The following WDR27 variants were observed in gnomAD, a reference collection of about 807,000 sequenced individuals.
WDR27 encodes the protein WD repeat domain 27, also known as WD repeat-containing protein 27.
In WDR27, 100 loss-of-function variants were observed where a neutral mutation model predicts 114.4. The observed-to-expected ratio is 0.87, with a 90% CI of 0.74 to 1.03. WDR27 has a LOEUF of 1.03. Ranked by LOEUF, WDR27 falls within the 50% of genes least tolerant of loss-of-function variation. The pLI is 0.00. For synonymous variants in WDR27, 449 were observed against 423.1 expected, an observed-to-expected ratio of 1.06 and a Z score of -0.75; for missense variants, 1,129 against 1,092.9, an observed-to-expected ratio of 1.03 and a Z score of -0.47.
intron 13 of WDR27, among the ~76,000 whole-genome samples, chr6:169,653,949 T>C (rs1449709894): frequency 6.6e-6 from 1 of 152,230 alleles, no homozygotes; most frequent in African/African-American, 2.4e-5. Flanking sequence ...AGAGTGACCT[T>C]GACAAGTGGC....
intron 4 of WDR27, chr6:169,668,809 C>G (rs1387897924): frequency 1.3e-5 from 2 of 152,244 alleles, no homozygotes; most frequent in Non-Finnish European, 2.9e-5. Flanking sequence ...AATATACATG[C>G]AGAAAAAATA....
intron 25 of WDR27, among the ~76,000 whole-genome samples, chr6:169,555,078 A>G (rs1798685714): frequency 6.6e-6 from 1 of 152,226 alleles, no homozygotes; most frequent in South Asian, 2.1e-4. Flanking sequence ...CTGACTAACA[A>G]GAATAAAAAT....
intron 22 of WDR27, among the ~76,000 whole-genome samples, chr6:169,605,774 G>A (rs1000743206): frequency 6.6e-6 from 1 of 151,952 alleles, no homozygotes; most frequent in Non-Finnish European, 1.5e-5. Flanking sequence ...ATAGACCAAT[G>A]GAACAGAATC....
intron 25 of WDR27, among the ~76,000 whole-genome samples, chr6:169,482,424 C>T (rs1022452722): frequency 6.6e-6 from 1 of 152,098 alleles, no homozygotes; most frequent in Non-Finnish European, 1.5e-5. Flanking sequence ...ACTTCAACAA[C>T]ATCTGTATTT....
chr6:169,581,813 G>GT (rs1749749912), intron 24 of WDR27, among the ~76,000 whole-genome samples: 3 of 29,076 alleles, frequency 1.0e-4, no homozygotes, highest in Admixed American at 7.4e-4. Context: ...GCAGAGAAGA[G>GT]CGGGTCACAA....
In WDR27 at chr6:169,488,342, C is replaced by T. The variant is rs955438775; in HGVS notation, c.2646-30708G>A. Reference sequence around the variant, plus strand: ...GTGGAAGAGGCAAAAGGTCTGAAATCGTCTCACAAAGGAAATTACTATTCA... The same window carrying T: ...GTGGAAGAGGCAAAAGGTCTGAAATTGTCTCACAAAGGAAATTACTATTCA... On this transcript the variant is annotated intron_variant, in intron 25 of 25. Coordinates refer to ENST00000448612, the MANE Select transcript of WDR27 (RefSeq NM_182552.5). 4.6e-5 allele frequency among the ~76,000 whole-genome samples: 7 copies of T among 152,192 alleles called. 1 individual carries two copies. The highest frequency in any genetic ancestry group is 4.1e-4 in the South Asian group (2 of 4,826).
rs67824873 is a variant in WDR27 at position 169,605,125 on chromosome 6, G to GT, written c.2322-2805dup. Among the ~76,000 whole-genome samples the GT allele has an allele frequency of 2.2e-3, 191 of 85,896 alleles. 3 individuals are homozygous for GT. Among genetic ancestry groups the GT allele is most frequent in the East Asian group, 0.02 (14 of 716 alleles). 56.4% of individuals were successfully genotyped at this position (85,896 alleles called of 152,430 possible). A position where few individuals can be genotyped will look rare whatever the true frequency, so the allele number is the denominator to read the frequency against. On this transcript the variant is annotated intron_variant, in intron 22 of 25. Transcript: ENST00000448612. ...CAATTAGGCAAAAAAAAAAAAAAAA[G>GT]TTTTTTTTTTTTAAAGAAGCATCCA...
Position 169,521,280 on chromosome 6 carries a change from T to C in WDR27, c.2645+51139A>G, listed in dbSNP as rs117667737. Among the ~76,000 whole-genome samples, 163 of 152,144 alleles carry C rather than the reference T, an allele frequency of 1.1e-3. 1 individual carries two copies. In the East Asian group the frequency reaches 0.022, roughly 21 times the overall value. On this transcript the variant is annotated intron_variant, in intron 25 of 25. Coordinates refer to ENST00000448612, the MANE Select transcript of WDR27 (RefSeq NM_182552.5). ...AAAAAAAATAACTTATATCCAAGAA[T>C]ATTGTCTCCATAAAGCTATCTTTCG... is the stretch of plus-strand genomic sequence containing the variant.
intron 25 of WDR27, 92 bp from the exon 26 acceptor site, chr6:169,457,726 CTTA>C (rs1784435775): frequency 1.0e-6 from 1 of 971,892 alleles, no homozygotes; most frequent in African/African-American, 1.7e-5. Flanking sequence ...TGTTATTTTC[CTTA>C]TTTTTAATGT....
At chr6:169,694,298 C>T (rs561638163) in intron 1 of WDR27, among the ~76,000 whole-genome samples, 3 of 152,090 alleles carry the variant, frequency 2.0e-5, no homozygotes, top group Non-Finnish European at 2.9e-5. Flanking sequence ...GTGACAAAAG[C>T]GAAACTTTGT....
intron 21 of WDR27, 125 bp from the exon 22 acceptor site, chr6:169,613,781 G>A (rs1275401188): frequency 7.0e-6 from 6 of 852,740 alleles, no homozygotes; most frequent in Non-Finnish European, 1.1e-5. Context: ...TTTCTTACTT[G>A]TAACAATTTC....
chr6:169,638,717 G>A, intron 17 of WDR27, 57 bp from the exon 18 acceptor site: 1 of 1,545,790 alleles, frequency 6.5e-7, no homozygotes, highest in Non-Finnish European at 8.8e-7. Context: ...AGTTTTGACT[G>A]AGTGCTACTT....
intron 25 of WDR27, among the ~76,000 whole-genome samples, chr6:169,509,657 G>C (rs868359321): frequency 4.0e-5 from 6 of 151,858 alleles, no homozygotes; most frequent in South Asian, 4.2e-4. Context: ...TTACATGTTA[G>C]ACCTAAAACC....
chr6:169,692,455 C>CTT (rs1784762451), intron 1 of WDR27, among the ~76,000 whole-genome samples: 1 of 152,162 alleles, frequency 6.6e-6, no homozygotes, highest in Non-Finnish European at 1.5e-5. Flanking sequence ...AGGGGCAAGA[C>CTT]CTGAAAGCCA....
chr6:169,486,622 G>C (rs1788951388), intron 25 of WDR27, among the ~76,000 whole-genome samples: 1 of 152,168 alleles, frequency 6.6e-6, no homozygotes, highest in Non-Finnish European at 1.5e-5. Context: ...CTCCTGAGTA[G>C]CTGGGATTAT....
At chr6:169,656,781 G>A (rs889927912) in intron 13 of WDR27, among the ~76,000 whole-genome samples, 3 of 152,222 alleles carry the variant, frequency 2.0e-5, no homozygotes, top group African/African-American at 7.2e-5. Flanking sequence ...CCCACTTGCT[G>A]TTGTCTTCTC....
At chr6:169,501,290 T>G (rs1047823584) in intron 25 of WDR27, among the ~76,000 whole-genome samples, 1 of 152,128 alleles carries the variant, frequency 6.6e-6, no homozygotes, top group Non-Finnish European at 1.5e-5. Flanking sequence ...CCAGACGGCC[T>G]GCAGGTCCAG....
At chr6:169,460,781 T>C (rs1047896860) in intron 25 of WDR27, among the ~76,000 whole-genome samples, 4 of 152,204 alleles carry the variant, frequency 2.6e-5, no homozygotes, top group African/African-American at 9.6e-5. Context: ...AGCCTGCATA[T>C]ACAAAAACTT....
At chr6:169,601,577 A>G (rs2128169686) in intron 23 of WDR27, among the ~76,000 whole-genome samples, 1 of 152,366 alleles carries the variant, frequency 6.6e-6, no homozygotes, top group South Asian at 2.1e-4. Flanking sequence ...TAATCAAAGC[A>G]GGATATTCTG....
Sources: allele counts gnomAD v4.1 joint callset (sites outside exome capture counted in the v4.1 genomes callset), GRCh38; gene constraint gnomAD v4.1.1; transcripts MANE v1.5; gene names NCBI Gene and HGNC (gene_info 2026-07-23, HGNC 2026-07-21).